Variants in CDH13 observed in about 807,000 individuals in gnomAD.
CDH13 encodes cadherin-13.
In CDH13, 24 loss-of-function variants were observed where a neutral mutation model predicts 63.8. The observed-to-expected ratio is 0.38, with a 90% CI of 0.27 to 0.53. The LOEUF is 0.53. Ranked by LOEUF, CDH13 falls within the 20% of genes least tolerant of loss-of-function variation. The pLI is 0.85. For missense variants in CDH13, 1,049 were observed against 903.1 expected (o/e 1.16, Z -2.07); for synonymous variants, 503 against 355.3 (o/e 1.42, Z -4.67).
At chr16:83,539,248 CTCATAAGGA>C (rs1399353485) in intron 7 of CDH13, among the ~76,000 whole-genome samples, 3 of 152,094 alleles carry the variant, frequency 2.0e-5, no homozygotes, top group Admixed American at 1.3e-4. Context: ...TAGTTAGATT[CTCATAAGGA>C]ACATGCAACC....
intron 5 of CDH13, among the ~76,000 whole-genome samples, chr16:83,342,558 G>A (rs1346416922): frequency 6.6e-6 from 1 of 152,112 alleles, no homozygotes; most frequent in East Asian, 1.9e-4. Context: ...AAATACCATT[G>A]GATTGTCTGT....
At chr16:83,391,175 C>G (rs1361315903) in intron 6 of CDH13, among the ~76,000 whole-genome samples, 1 of 151,786 alleles carries the variant, frequency 6.6e-6, no homozygotes, top group African/African-American at 2.4e-5. Flanking sequence ...TAGTATCCTT[C>G]TGTGACATTC....
intron 10 of CDH13, among the ~76,000 whole-genome samples, chr16:83,730,108 G>T (rs574962332): frequency 6.6e-6 from 1 of 152,296 alleles, no homozygotes; most frequent in South Asian, 2.1e-4. Flanking sequence ...TAATGTCTAC[G>T]TAGCATTCCA....
chr16:83,079,799 T>G (rs2033111521), intron 3 of CDH13, among the ~76,000 whole-genome samples: 1 of 152,232 alleles, frequency 6.6e-6, no homozygotes, highest in Non-Finnish European at 1.5e-5. Context: ...GACTGCATAA[T>G]ATTTATTTGG....
chr16:83,605,610 C>T (rs550825859), intron 8 of CDH13, among the ~76,000 whole-genome samples: 1 of 152,088 alleles, frequency 6.6e-6, no homozygotes, highest in Non-Finnish European at 1.5e-5. Flanking sequence ...TAGTGCCTGT[C>T]GCCCAGTATT....
chr16:83,399,918 A>G (rs1180570499), intron 6 of CDH13, among the ~76,000 whole-genome samples: 2 of 152,212 alleles, frequency 1.3e-5, no homozygotes, highest in African/African-American at 2.4e-5. Flanking sequence ...AAGTTTAAAT[A>G]TGTGATGTAA....
intron 7 of CDH13, among the ~76,000 whole-genome samples, chr16:83,529,032 G>C (rs2075023895): frequency 6.6e-6 from 1 of 151,564 alleles, no homozygotes; most frequent in African/African-American, 2.4e-5. Context: ...GAAAATCTCA[G>C]ATTAGAAGAG....
Position 83,678,438 on chromosome 16 carries a change from C to T in CDH13, c.1515C>T (p.Asp505=), listed in dbSNP as rs1915142451. 3 of 1,614,006 alleles carry T rather than the reference C, an allele frequency of 1.9e-6. No homozygotes were observed. Among genetic ancestry groups the T allele is most frequent in the Non-Finnish European group, 2.5e-6 (3 of 1,179,880 alleles). Residue 505 remains aspartate (D), a synonymous_variant, in exon 10 of 14, where the codon GAC becomes GAT. Transcript: ENST00000567109. ...TGACAGTGAATGCCACGGACCCCGA[C>T]TCCCTGCAGCATCAAACCATCAGGT... The part of the protein sequence containing the change: ...VLLTVNATDP[D]SLQHQTIRYS...
intron 8 of CDH13, among the ~76,000 whole-genome samples, chr16:83,634,303 C>T (rs1219548502): frequency 6.6e-6 from 1 of 152,112 alleles, no homozygotes; most frequent in African/African-American, 2.4e-5. Context: ...TCTTGGGCTT[C>T]TCCCCTGGCA....
intron 6 of CDH13, among the ~76,000 whole-genome samples, chr16:83,430,368 A>C (rs2072059365): frequency 6.6e-6 from 1 of 152,244 alleles, no homozygotes. Context: ...CCAAAGACAG[A>C]AAACAGGGCA....
chr16:83,383,358 C>G (rs1221737379), intron 6 of CDH13, among the ~76,000 whole-genome samples: 1 of 152,160 alleles, frequency 6.6e-6, no homozygotes, highest in East Asian at 1.9e-4. Flanking sequence ...CCATTTTCCC[C>G]TTTATAATCA....
chr16:83,402,346 A>G (rs1237079935), intron 6 of CDH13, among the ~76,000 whole-genome samples: 1 of 152,216 alleles, frequency 6.6e-6, no homozygotes, highest in African/African-American at 2.4e-5. Flanking sequence ...AACAGGACAC[A>G]GAGTGATTCA....
intron 8 of CDH13, among the ~76,000 whole-genome samples, chr16:83,632,954 A>G (rs1038626901): frequency 1.3e-5 from 2 of 151,774 alleles, no homozygotes; most frequent in African/African-American, 2.4e-5. Flanking sequence ...TAACTTCCTG[A>G]TGTTACCATG....
intron 3 of CDH13, among the ~76,000 whole-genome samples, chr16:83,105,879 AG>A (rs2034739014): frequency 6.6e-6 from 1 of 152,212 alleles, no homozygotes; most frequent in Admixed American, 6.5e-5. Context: ...GAGTCAGCGA[AG>A]ATGGTATCCC....
At chr16:82,779,185 C>G (rs1456469310) in intron 1 of CDH13, among the ~76,000 whole-genome samples, 1 of 152,176 alleles carries the variant, frequency 6.6e-6, no homozygotes, top group Non-Finnish European at 1.5e-5. Context: ...AAGTGCTTGA[C>G]AAATTTACTC....
At chr16:82,876,505 A>G (rs1425474942) in intron 2 of CDH13, among the ~76,000 whole-genome samples, 1 of 152,234 alleles carries the variant, frequency 6.6e-6, no homozygotes, top group African/African-American at 2.4e-5. Context: ...AAATCCAAAG[A>G]CATAAAAGGT....
At chr16:82,812,704 T>A in intron 1 of CDH13, among the ~76,000 whole-genome samples, 1 of 152,252 alleles carries the variant, frequency 6.6e-6, no homozygotes, top group South Asian at 2.1e-4. Context: ...TTAAGAAGTT[T>A]GGCGGCTAAA....
At chr16:82,783,994 C>A (rs141077360) in intron 1 of CDH13, among the ~76,000 whole-genome samples, 9 of 152,326 alleles carry the variant, frequency 5.9e-5, no homozygotes, top group African/African-American at 1.4e-4. Flanking sequence ...TCCGCAGGCT[C>A]TACATGTTCC....
chr16:83,150,035 A>G (rs898154092), intron 4 of CDH13, among the ~76,000 whole-genome samples: 2 of 152,108 alleles, frequency 1.3e-5, no homozygotes, highest in Non-Finnish European at 2.9e-5. Flanking sequence ...AACCTCTTCC[A>G]CATTCACCTG....
Sources: allele counts gnomAD v4.1 joint callset (sites outside exome capture counted in the v4.1 genomes callset), GRCh38; gene constraint gnomAD v4.1.1; transcripts MANE v1.5; gene names NCBI Gene and HGNC (gene_info 2026-07-23, HGNC 2026-07-21).